PDLIM5: variants seen among roughly 807,000 people sequenced by gnomAD.
PDLIM5 encodes the protein PDZ and LIM domain protein 5.
Under a neutral mutation model 64.2 loss-of-function variants are expected in PDLIM5, and 34 were observed. That is an observed-to-expected ratio of 0.53 (90% CI 0.40 to 0.71). The LOEUF (loss-of-function observed/expected upper bound fraction) is 0.71. Among genes scored for constraint, PDLIM5 ranks in the 30% least tolerant of loss-of-function variants. The probability of loss-of-function intolerance (pLI) is 0.00; values close to 1 mark genes in which losing one functional copy is unlikely to be tolerated. For missense variants in PDLIM5, 683 were observed against 733.6 expected (o/e 0.93, Z 0.80); for synonymous variants, 253 against 269.1 (o/e 0.94, Z 0.59).
At chr4:94,569,483 C>T (rs1734622695) in intron 3 of PDLIM5, among the ~76,000 whole-genome samples, 1 of 152,124 alleles carries the variant, frequency 6.6e-6, no homozygotes, top group African/African-American at 2.4e-5. Flanking sequence ...CCACGTCCAG[C>T]TAATTTTTGT....
intron 3 of PDLIM5, 60 bp downstream of exon 3, chr4:94,523,935 G>A: frequency 1.5e-6 from 2 of 1,292,558 alleles, no homozygotes; most frequent in Non-Finnish European, 1.1e-6. Flanking sequence ...GTGTTTTTGT[G>A]TGTCTGACTC....
Position 94,608,085 on chromosome 4 carries a change from C to G in PDLIM5, c.921-9919C>G, listed in dbSNP as rs180835231. The G allele has an allele frequency of 2.2e-3, 3,411 of 1,532,762 alleles. 9 individuals are homozygous for G. Among genetic ancestry groups the G allele is most frequent in the Non-Finnish European group, 2.4e-3 (2,798 of 1,144,100 alleles). The allele number at this position is 1,532,762 out of a possible 1,614,324, so 94.9% of individuals were successfully genotyped here. A position where few individuals can be genotyped will look rare whatever the true frequency, so the allele number is the denominator to read the frequency against. On this transcript the variant is annotated intron_variant, in intron 7 of 12. Coordinates refer to ENST00000317968, the MANE Select transcript of PDLIM5 (RefSeq NM_006457.5). ...TTTGACAGTGCTCTGGAAGACCTAC[C>G]TAAGAGTGGACCTCACCCTCCTGCA... is the stretch of plus-strand genomic sequence containing the variant.
intron 2 of PDLIM5, among the ~76,000 whole-genome samples, chr4:94,486,216 G>A (rs1726323430): frequency 1.3e-5 from 2 of 151,952 alleles, no homozygotes; most frequent in South Asian, 2.1e-4. Flanking sequence ...TTGTTATTTG[G>A]AGATATAACC....
chr4:94,538,626 G>A (rs1169631617), intron 3 of PDLIM5, among the ~76,000 whole-genome samples: 1 of 152,200 alleles, frequency 6.6e-6, no homozygotes, highest in African/African-American at 2.4e-5. Context: ...ATCTTATGCT[G>A]AGATTGGGAA....
At position 94,501,265 on chromosome 4, in the gene PDLIM5, G is replaced by T. The variant is rs568779398; in HGVS notation, c.97-22459G>T. On this transcript the variant is annotated intron_variant, in intron 2 of 12. Transcript: ENST00000317968. ...TCTTTTTAATATTATTTTATTTTTT[G>T]TAGAGATGGGGTTTTGCCATGTTGC... 1.3e-4 allele frequency among the ~76,000 whole-genome samples: 19 copies of T among 151,994 alleles called. No individual in the cohort carries two copies. The East Asian group carries it at 3.7e-3, about 29-fold the overall frequency.
intron 10 of PDLIM5, chr4:94,656,741 T>A (rs1054329319): frequency 2.6e-5 from 4 of 151,594 alleles, no homozygotes; most frequent in African/African-American, 9.7e-5. Flanking sequence ...TTTATGCCAT[T>A]CTCCTGCCTC....
At chr4:94,577,064 A>C (rs1215703423) in intron 5 of PDLIM5, 3 of 380,156 alleles carry the variant, frequency 7.9e-6, no homozygotes, top group Non-Finnish European at 1.5e-5. Flanking sequence ...AATGATGGTC[A>C]TTTTATTGCT....
chr4:94,613,522 CT>C (rs955881210), intron 7 of PDLIM5, among the ~76,000 whole-genome samples: 10 of 152,108 alleles, frequency 6.6e-5, no homozygotes, highest in Non-Finnish European at 1.5e-4. Context: ...TGAAAATAAA[CT>C]TTTGCTCTAT....
intron 5 of PDLIM5, among the ~76,000 whole-genome samples, chr4:94,580,178 G>A (rs868247415): frequency 1.3e-5 from 2 of 152,052 alleles, no homozygotes; most frequent in African/African-American, 2.4e-5. Flanking sequence ...ACTGGCTCAC[G>A]ATTACTAGCT....
intron 7 of PDLIM5, among the ~76,000 whole-genome samples, chr4:94,605,179 A>G (rs1222391467): frequency 6.6e-6 from 1 of 152,214 alleles, no homozygotes; most frequent in Non-Finnish European, 1.5e-5. Context: ...GATGGAGTAC[A>G]CAGCATTAGA....
At chr4:94,464,433 T>C (rs1724165160) in intron 2 of PDLIM5, among the ~76,000 whole-genome samples, 1 of 152,206 alleles carries the variant, frequency 6.6e-6, no homozygotes, top group Non-Finnish European at 1.5e-5. Flanking sequence ...ATATTAACTT[T>C]TGGAAGTGGT....
intron 2 of PDLIM5, among the ~76,000 whole-genome samples, chr4:94,481,120 T>G (rs1725809177): frequency 6.6e-6 from 1 of 152,188 alleles, no homozygotes; most frequent in East Asian, 1.9e-4. Context: ...TCCTTTACAT[T>G]TTTAAATATC....
chr4:94,554,474 A>G (rs1733085580), intron 3 of PDLIM5, among the ~76,000 whole-genome samples: 1 of 152,184 alleles, frequency 6.6e-6, no homozygotes. Context: ...ATTCGTACGT[A>G]CATACGTTCA....
rs539417466 is a variant in PDLIM5, at chr4:94,572,855, C to T, written c.249-496C>T. 2.6e-5 allele frequency among the ~76,000 whole-genome samples: 4 copies of T among 152,312 alleles called. No individual in the cohort carries two copies. The South Asian group carries it at 8.3e-4, about 32-fold the overall frequency. ...TAGGAATACAGAATAAATATTCATT[C>T]ATTGACCCAATTCAACTAGAATGTA... is the stretch of plus-strand genomic sequence containing the variant. On this transcript the variant is annotated intron_variant, in intron 3 of 12. Transcript: ENST00000317968.
rs1416894674 is a variant in PDLIM5, at chr4:94,585,625, T to C, written c.771T>C (p.Ser257=). The change falls in exon 6 of 13, where the codon AGT becomes AGC. Residue 257 remains serine (S), a synonymous_variant. Coordinates refer to ENST00000317968, the MANE Select transcript of PDLIM5 (RefSeq NM_006457.5). ...AGTTTTATCATGTACCCACTCACAGTGATGCCAGCAAGAAGAGACTGATTG... is the reference window on the plus strand; with the variant it reads ...AGTTTTATCATGTACCCACTCACAGCGATGCCAGCAAGAAGAGACTGATTG... ...YTEFYHVPTH[S]DASKKRLIED... 1.2e-6 allele frequency: 2 copies of C among 1,613,018 alleles called. No homozygotes were observed. The highest frequency in any genetic ancestry group is 1.7e-6 in the Non-Finnish European group (2 of 1,179,582).
intron 1 of PDLIM5, among the ~76,000 whole-genome samples, chr4:94,453,827 T>C (rs1723080026): frequency 6.6e-6 from 1 of 152,238 alleles, no homozygotes; most frequent in Non-Finnish European, 1.5e-5. Context: ...TCTTTTTTAG[T>C]GCTCTGTGCC....
chr4:94,541,201 T>C (rs1299830598), intron 3 of PDLIM5, among the ~76,000 whole-genome samples: 1 of 152,072 alleles, frequency 6.6e-6, no homozygotes, highest in Non-Finnish European at 1.5e-5. Flanking sequence ...ATACACCACT[T>C]CCCAATTTTC....
chr4:94,591,657 C>T (rs1207205489), intron 7 of PDLIM5, among the ~76,000 whole-genome samples: 1 of 152,170 alleles, frequency 6.6e-6, no homozygotes, highest in Non-Finnish European at 1.5e-5. Context: ...CAATTAAGAC[C>T]AACTTGGAGG....
chr4:94,473,801 G>A (rs1273282383), intron 2 of PDLIM5, among the ~76,000 whole-genome samples: 3 of 152,132 alleles, frequency 2.0e-5, no homozygotes, highest in African/African-American at 4.8e-5. Context: ...AGTTTTAAAA[G>A]GTTGTCAGTG....
Sources: allele counts gnomAD v4.1 joint callset (sites outside exome capture counted in the v4.1 genomes callset), GRCh38; gene constraint gnomAD v4.1.1; transcripts MANE v1.5; gene names NCBI Gene and HGNC (gene_info 2026-07-23, HGNC 2026-07-21).